The following SCAPER variants were observed in gnomAD, a reference collection of about 807,000 sequenced individuals.
SCAPER encodes S-phase cyclin A associated protein in the ER, also known as S phase cyclin A-associated protein in the endoplasmic reticulum.
In SCAPER, 98 loss-of-function variants were observed where a neutral mutation model predicts 182.2. The observed-to-expected ratio is 0.54, with a 90% confidence interval of 0.46 to 0.64. SCAPER has a LOEUF of 0.64. SCAPER is among the 30% of genes least tolerant of loss of function. The probability of loss-of-function intolerance (pLI) is 0.00; values close to 1 mark genes in which losing one functional copy is unlikely to be tolerated. For synonymous variants in SCAPER, 605 were observed against 564.6 expected (o/e 1.07, Z -1.01); for missense variants, 1,432 against 1,690.0 (o/e 0.85, Z 2.68).
intron 22 of SCAPER, among the ~76,000 whole-genome samples, chr15:76,612,102 G>A (rs992131014): frequency 2.0e-5 from 3 of 152,136 alleles, no homozygotes; most frequent in Admixed American, 6.5e-5. Context: ...AGGGCAATCA[G>A]GCAAGAGAAA....
intron 1 of SCAPER, among the ~76,000 whole-genome samples, chr15:76,892,055 C>G (rs1006298160): frequency 1.3e-5 from 2 of 152,216 alleles, no homozygotes; most frequent in Admixed American, 1.3e-4. Flanking sequence ...TTTGACAAAC[C>G]TGACAAAAAC....
In SCAPER at chr15:76,652,369, C is replaced by CATATAT. The variant is rs1431041058; in HGVS notation, c.2645+13283_2645+13284insATATAT. ...ACACACACACACACACACACACACA[C>CATATAT]ACATATATATATATATATATATATA... On this transcript the variant is annotated intron_variant, in intron 21 of 31. Coordinates refer to ENST00000563290, the MANE Select transcript of SCAPER (RefSeq NM_020843.4). Among the ~76,000 whole-genome samples, 51 of 13,674 alleles carry CATATAT rather than the reference C, an allele frequency of 3.7e-3. 2 individuals are homozygous for CATATAT. The highest frequency in any genetic ancestry group is 0.019 in the East Asian group (7 of 360). The allele number at this position is 13,674 out of a possible 152,430, so 9.0% of individuals were successfully genotyped here. A position where few individuals can be genotyped will look rare whatever the true frequency, so the allele number is the denominator to read the frequency against.
At chr15:76,786,412 T>C (rs950220137) in intron 8 of SCAPER, among the ~76,000 whole-genome samples, 11 of 151,356 alleles carry the variant, frequency 7.3e-5, no homozygotes, top group African/African-American at 2.7e-4. Flanking sequence ...TATCAACTGA[T>C]ACAGGAAAAG....
chr15:76,461,964 C>T (rs1034033363), intron 25 of SCAPER, among the ~76,000 whole-genome samples: 9 of 152,126 alleles, frequency 5.9e-5, no homozygotes, highest in Admixed American at 2.6e-4. Flanking sequence ...CTGAGTTATA[C>T]GGAGTTGTCT....
intron 27 of SCAPER, 82 bp downstream of exon 27, chr15:76,404,442 C>T: frequency 7.3e-7 from 1 of 1,369,064 alleles, no homozygotes; most frequent in South Asian, 1.6e-5. Flanking sequence ...ACTTGAATTC[C>T]TATGAAATGA....
At chr15:76,465,333 T>C (rs953400790) in intron 25 of SCAPER, among the ~76,000 whole-genome samples, 6 of 152,210 alleles carry the variant, frequency 3.9e-5, no homozygotes, top group African/African-American at 1.4e-4. Flanking sequence ...GCATCTTTTA[T>C]AAGGGTTCTG....
At chr15:76,551,995 GGA>G (rs35671726) in intron 23 of SCAPER, among the ~76,000 whole-genome samples, 17,949 of 151,948 alleles carry the variant, frequency 0.12, 1,128 homozygotes, top group African/African-American at 0.17. Flanking sequence ...GTAAAGAACA[GGA>G]GAGGGAAGCT....
chr15:76,800,162 TAGTAGAA>T, intron 7 of SCAPER, 79 bp downstream of exon 7: 3 of 731,220 alleles, frequency 4.1e-6, no homozygotes, highest in Admixed American at 5.3e-5. Flanking sequence ...GATATTTTTA[TAGTAGAA>T]TATCAGAATC....
chr15:76,451,645 A>G (rs2048372832), intron 25 of SCAPER, among the ~76,000 whole-genome samples: 1 of 152,212 alleles, frequency 6.6e-6, no homozygotes, highest in South Asian at 2.1e-4. Context: ...GAACTGAACA[A>G]GAGCAGAGGC....
At position 76,668,300 on chromosome 15, in the gene SCAPER, C is replaced by G. The variant is rs140097095; in HGVS notation, c.2509-2511G>C. ...TCTAATTTGACCCCATAGGTCTTTT[C>G]TCTATAAAAATGGCCACTTATTTTT... On this transcript the variant is annotated intron_variant, in intron 20 of 31. Coordinates refer to ENST00000563290, the MANE Select transcript of SCAPER (RefSeq NM_020843.4). Among the ~76,000 whole-genome samples the G allele has an allele frequency of 7.9e-3, 1,205 of 152,250 alleles. 11 individuals are homozygous for G. Among genetic ancestry groups the G allele is most frequent in the African/African-American group, 0.028 (1,144 of 41,546 alleles).
chr15:76,599,531 G>T lies in SCAPER; in HGVS notation c.2711+22233C>A. On this transcript the variant is annotated intron_variant, in intron 22 of 31. Coordinates refer to ENST00000563290, the MANE Select transcript of SCAPER (RefSeq NM_020843.4). ...AAATCAAGGCTACATTTACTCATAG[G>T]AGTACTGTCCAGCAATAAAAAGGAA... Among the ~76,000 whole-genome samples the T allele has an allele frequency of 1.6e-5, 2 of 121,992 alleles. 1 individual carries two copies. Among genetic ancestry groups the T allele is most frequent in the Non-Finnish European group, 4.0e-5 (2 of 50,208 alleles). The allele number at this position is 121,992 out of a possible 152,430, so 80.0% of individuals were successfully genotyped here.
chr15:76,797,619 T>C (rs1199460231), intron 7 of SCAPER: 4 of 152,200 alleles, frequency 2.6e-5, no homozygotes, highest in African/African-American at 9.7e-5. Context: ...ATTCAAAGTA[T>C]GTCCCAACAG....
At chr15:76,466,259 C>T (rs750594201) in intron 25 of SCAPER, among the ~76,000 whole-genome samples, 2 of 151,622 alleles carry the variant, frequency 1.3e-5, no homozygotes, top group Non-Finnish European at 2.9e-5. Context: ...CACTCTTTCT[C>T]ATTCTTTTTC....
chr15:76,690,061 T>A lies in SCAPER; in HGVS notation c.2508+11697A>T, dbSNP rs186623480. Among the ~76,000 whole-genome samples, 1,136 of 151,928 alleles carry A rather than the reference T, an allele frequency of 7.5e-3. 19 individuals are homozygous for A. The highest frequency in any genetic ancestry group is 0.026 in the African/African-American group (1,082 of 41,454). ...TGAAACCTAATCCCTCCCACAGGTATCCCAACCCCTTGAAACCTCCTTCCA... is the reference window on the plus strand; with the variant it reads ...TGAAACCTAATCCCTCCCACAGGTAACCCAACCCCTTGAAACCTCCTTCCA... On this transcript the variant is annotated intron_variant, in intron 20 of 31. Transcript: ENST00000563290.
At chr15:76,666,073 T>C (rs2056550779) in intron 20 of SCAPER, among the ~76,000 whole-genome samples, 1 of 152,050 alleles carries the variant, frequency 6.6e-6, no homozygotes, top group South Asian at 2.1e-4. Flanking sequence ...AAAGGTAAAA[T>C]ATATTCACAA....
At chr15:76,526,968 T>C (rs2043252680) in intron 23 of SCAPER, among the ~76,000 whole-genome samples, 1 of 152,068 alleles carries the variant, frequency 6.6e-6, no homozygotes, top group Admixed American at 6.5e-5. Context: ...ACCTCCCGTG[T>C]TCAAGCTATT....
At chr15:76,390,002 G>A (rs931822155) in intron 27 of SCAPER, among the ~76,000 whole-genome samples, 1 of 151,956 alleles carries the variant, frequency 6.6e-6, no homozygotes, top group African/African-American at 2.4e-5. Flanking sequence ...TGTTGCCCAG[G>A]CTGCAGTGTG....
intron 5 of SCAPER, among the ~76,000 whole-genome samples, chr15:76,833,691 C>CA (rs943030962): frequency 1.7e-4 from 25 of 151,032 alleles, no homozygotes; most frequent in Admixed American, 2.6e-4. Flanking sequence ...AAACAGAAAA[C>CA]AAAAAAAACA....
chr15:76,546,789 T>G (rs1244702749), intron 23 of SCAPER, among the ~76,000 whole-genome samples: 1 of 152,148 alleles, frequency 6.6e-6, no homozygotes, highest in Non-Finnish European at 1.5e-5. Flanking sequence ...TTAAAAGTAT[T>G]TGTCTTGTTT....
Sources: allele counts gnomAD v4.1 joint callset (sites outside exome capture counted in the v4.1 genomes callset), GRCh38; gene constraint gnomAD v4.1.1; transcripts MANE v1.5; gene names NCBI Gene and HGNC (gene_info 2026-07-23, HGNC 2026-07-21).